Variants in SLC24A2 observed in about 807,000 individuals in gnomAD.
SLC24A2 encodes the protein sodium/potassium/calcium exchanger 2.
A neutral mutation model predicts 62.0 loss-of-function variants in SLC24A2; 36 were observed. The ratio of observed to expected loss-of-function variants is 0.58; its 90% CI spans 0.44 to 0.77. The LOEUF is 0.77. SLC24A2 is among the 30% of genes least tolerant of loss of function. The pLI, the probability that SLC24A2 is intolerant of heterozygous loss-of-function variation, is 0.00. For synonymous variants in SLC24A2, 358 were observed against 294.0 expected (o/e 1.22, Z -2.23); for missense variants, 846 against 817.9 (o/e 1.03, Z -0.42).
At chr9:19,703,344 C>G (rs778068512) in intron 2 of SLC24A2, among the ~76,000 whole-genome samples, 1 of 152,128 alleles carries the variant, frequency 6.6e-6, no homozygotes, top group Non-Finnish European at 1.5e-5. Flanking sequence ...CCCTTTCATT[C>G]CAAATCCTGT....
chr9:19,723,599 T>C (rs2118667250), intron 2 of SLC24A2, among the ~76,000 whole-genome samples: 1 of 152,224 alleles, frequency 6.6e-6, no homozygotes, highest in South Asian at 2.1e-4. Flanking sequence ...AGTATAACAC[T>C]AGAAGGGACT....
chr9:19,944,335 A>C, the SLC24A2 span, among the ~76,000 whole-genome samples: 3 of 152,176 alleles, frequency 2.0e-5, no homozygotes, highest in South Asian at 6.2e-4. Flanking sequence ...ATTCAGAAGA[A>C]TTCTGAGAGG....
chr9:20,083,102 A>G, the SLC24A2 span, among the ~76,000 whole-genome samples: 11 of 152,358 alleles, frequency 7.2e-5, 1 homozygote, highest in Middle Eastern at 6.8e-3. Flanking sequence ...ACATGATTCA[A>G]TGAGGAATTC....
chr9:20,252,294 G>C, the SLC24A2 span, among the ~76,000 whole-genome samples: 1 of 152,180 alleles, frequency 6.6e-6, no homozygotes, highest in Non-Finnish European at 1.5e-5. Flanking sequence ...GCAATTAATA[G>C]TTTGTATTGT....
At chr9:19,763,085 G>A (rs1822393638) in intron 2 of SLC24A2, among the ~76,000 whole-genome samples, 1 of 152,106 alleles carries the variant, frequency 6.6e-6, no homozygotes. Context: ...TGTAGCAACT[G>A]TGAATGGGAG....
intron 2 of SLC24A2, among the ~76,000 whole-genome samples, chr9:19,779,986 C>CG (rs1472165016): frequency 1.3e-5 from 2 of 151,946 alleles, no homozygotes; most frequent in Non-Finnish European, 2.9e-5. Flanking sequence ...GGCGTGAACC[C>CG]GGGAGGTGGA....
At chr9:20,016,573 T>A in the SLC24A2 span, among the ~76,000 whole-genome samples, 1 of 152,248 alleles carries the variant, frequency 6.6e-6, no homozygotes, top group Non-Finnish European at 1.5e-5. Flanking sequence ...TAATTCAAGA[T>A]AAATAAACTG....
chr9:19,923,700 A>G, the SLC24A2 span, among the ~76,000 whole-genome samples: 1 of 152,218 alleles, frequency 6.6e-6, no homozygotes, highest in East Asian at 1.9e-4. Flanking sequence ...TCTGCCAAAC[A>G]TCCCCCAACA....
intron 2 of SLC24A2, among the ~76,000 whole-genome samples, chr9:19,716,026 C>T (rs1820850863): frequency 6.6e-6 from 1 of 152,178 alleles, no homozygotes; most frequent in South Asian, 2.1e-4. Context: ...AAATATACAA[C>T]TTACAAAATT....
Position 19,679,838 on chromosome 9 carries a change from CTGTGTGTGTGTGTGTG to C in SLC24A2, c.931-57555_931-57540del, listed in dbSNP as rs58253967. Among the ~76,000 whole-genome samples the C allele has an allele frequency of 8.5e-3, 1,215 of 142,478 alleles. 8 individuals are homozygous for C. The highest frequency in any genetic ancestry group is 0.018 in the Middle Eastern group (5 of 280). 93.5% of individuals were successfully genotyped at this position (142,478 alleles called of 152,430 possible). On this transcript the variant is annotated intron_variant, in intron 2 of 10. Coordinates refer to ENST00000341998, the MANE Select transcript of SLC24A2 (RefSeq NM_020344.4). ...CCCACAACAAATCTCCTCACATATA[CTGTGTGTGTGTGTGTG>C]TGTGTGTGTGTGTGTGTGTGTGTGT...
the SLC24A2 span, among the ~76,000 whole-genome samples, chr9:20,149,233 T>C: frequency 6.6e-6 from 1 of 152,076 alleles, no homozygotes; most frequent in Non-Finnish European, 1.5e-5. Context: ...CTTTCCTCTC[T>C]AATCTCAGTC....
At chr9:19,819,964 T>C in the SLC24A2 span, among the ~76,000 whole-genome samples, 1 of 145,162 alleles carries the variant, frequency 6.9e-6, no homozygotes, top group East Asian at 2.0e-4. Context: ...CAAATGCCCA[T>C]CAATCAATGA....
the SLC24A2 span, among the ~76,000 whole-genome samples, chr9:20,307,165 A>T: frequency 2.6e-5 from 4 of 152,246 alleles, no homozygotes; most frequent in Non-Finnish European, 4.4e-5. Flanking sequence ...TCACAGATAG[A>T]AAGTAACCAT....
At chr9:20,075,337 G>C in the SLC24A2 span, among the ~76,000 whole-genome samples, 67 of 152,292 alleles carry the variant, frequency 4.4e-4, no homozygotes, top group African/African-American at 1.5e-3. Flanking sequence ...TGAGAAAATG[G>C]AGGCTTAGAA....
At chr9:19,739,635 C>T (rs1017816341) in intron 2 of SLC24A2, among the ~76,000 whole-genome samples, 1 of 152,040 alleles carries the variant, frequency 6.6e-6, no homozygotes. Context: ...GAATTTCACC[C>T]CTATCTTACG....
At chr9:19,849,974 T>C in the SLC24A2 span, among the ~76,000 whole-genome samples, 1 of 151,754 alleles carries the variant, frequency 6.6e-6, no homozygotes, top group South Asian at 2.1e-4. Flanking sequence ...CAGCAGGCTA[T>C]TTTTCCAGAA....
At chr9:19,894,761 C>A in the SLC24A2 span, among the ~76,000 whole-genome samples, 1 of 152,184 alleles carries the variant, frequency 6.6e-6, no homozygotes, top group Non-Finnish European at 1.5e-5. Context: ...TCATCCCTTA[C>A]TTTCTTCTCT....
intron 2 of SLC24A2, among the ~76,000 whole-genome samples, chr9:19,707,738 A>G (rs1031483308): frequency 2.6e-5 from 4 of 152,232 alleles, no homozygotes; most frequent in Non-Finnish European, 5.9e-5. Flanking sequence ...TAAATTAGGT[A>G]TTGATGGGAT....
chr9:19,798,577 C>T, the SLC24A2 span, among the ~76,000 whole-genome samples: 2 of 147,002 alleles, frequency 1.4e-5, no homozygotes, highest in Admixed American at 7.1e-5. Flanking sequence ...ATGAACAATA[C>T]GTTTGATCAA....
Sources: gnomAD v4.1 joint callset for allele counts (sites outside exome capture counted in the v4.1 genomes callset) on GRCh38, gnomAD v4.1.1 for gene constraint, MANE v1.5 for transcripts, NCBI Gene and HGNC (gene_info 2026-07-23, HGNC 2026-07-21) for gene names.